The following BTNL8 variants were observed in gnomAD, a reference collection of about 807,000 sequenced individuals.
The protein encoded by BTNL8 is butyrophilin like 8, also known as butyrophilin-like protein 8.
Under a neutral mutation model 36.1 loss-of-function variants are expected in BTNL8, and 22 were observed. The ratio of observed to expected loss-of-function variants is 0.61; its 90% CI spans 0.44 to 0.87. The LOEUF is 0.87. Among genes scored for constraint, BTNL8 ranks in the 40% least tolerant of loss-of-function variants. The pLI, the probability that BTNL8 is intolerant of heterozygous loss-of-function variation, is 0.00. For missense variants in BTNL8, 526 were observed against 616.9 expected (o/e 0.85, Z 1.56); for synonymous variants, 203 against 235.6 (o/e 0.86, Z 1.27).
chr5:180,909,670 A>G, intron 2 of BTNL8: 13 of 801,626 alleles, frequency 1.6e-5, no homozygotes, highest in Non-Finnish European at 2.0e-5. Flanking sequence ...GCTTGAGTCC[A>G]GGAGCTCGAG....
intron 4 of BTNL8, 93 bp downstream of exon 4, chr5:180,947,718 C>T (rs766290501): frequency 1.5e-5 from 24 of 1,614,224 alleles, no homozygotes; most frequent in Non-Finnish European, 1.4e-5. Context: ...TGCTTCTCTT[C>T]TTCTAGTCCT....
At chr5:180,907,699 T>C (rs1757150987) in intron 1 of BTNL8, among the ~76,000 whole-genome samples, 1 of 152,118 alleles carries the variant, frequency 6.6e-6, no homozygotes, top group Non-Finnish European at 1.5e-5. Flanking sequence ...AGATGGGTTT[T>C]TGGTGTGGAT....
intron 3 of BTNL8, among the ~76,000 whole-genome samples, chr5:180,942,014 T>G (rs1392817205): frequency 6.6e-6 from 1 of 151,886 alleles, no homozygotes; most frequent in Non-Finnish European, 1.5e-5. Flanking sequence ...TGTCCCTGTT[T>G]GCAGACAACA....
rs1757386977 is a variant in BTNL8, at chr5:180,911,393, A to G, written c.452A>G (p.Gln151Arg). Residue 151 changes from glutamine (Q) to arginine (R), a missense_variant, in exon 3 of 8, where the codon CAG (glutamine) becomes CGG (arginine). By Grantham distance (43) the Gln-to-Arg change is conservative (BLOSUM62 1). Transcript: ENST00000340184. Reference protein sequence around the residue: ...SITGYVDRDIQLLCQSSGWFP... With the variant: ...SITGYVDRDIRLLCQSSGWFP... ...ACGGGATATGTTGATAGAGACATCC[A>G]GCTACTCTGTCAGTCCTCGGGCTGG... is the stretch of plus-strand genomic sequence containing the variant. 4.3e-6 allele frequency: 7 copies of G among 1,614,070 alleles called. No individual in the cohort carries two copies. The highest frequency in any genetic ancestry group is 5.1e-6 in the Non-Finnish European group (6 of 1,180,040).
chr5:180,942,001 A>G (rs977797794), intron 3 of BTNL8, among the ~76,000 whole-genome samples: 2 of 151,822 alleles, frequency 1.3e-5, no homozygotes, highest in Admixed American at 6.6e-5. Context: ...GAGAAAGTCT[A>G]ATTGTCCCTG....
chr5:180,941,361 A>G (rs887174640), intron 3 of BTNL8, among the ~76,000 whole-genome samples: 2 of 152,228 alleles, frequency 1.3e-5, no homozygotes, highest in African/African-American at 2.4e-5. Flanking sequence ...GCTGGATTCT[A>G]TTAAACTTTT....
intron 2 of BTNL8, among the ~76,000 whole-genome samples, chr5:180,910,091 CCTGGTCTTTA>C: frequency 1.3e-5 from 2 of 152,108 alleles, no homozygotes. Flanking sequence ...GCTAAGCTGT[CCTGGTCTTTA>C]CATATTTGCA....
At chr5:180,939,239 T>C (rs1333884763) in intron 3 of BTNL8, among the ~76,000 whole-genome samples, 2 of 152,076 alleles carry the variant, frequency 1.3e-5, no homozygotes, top group African/African-American at 2.4e-5. Flanking sequence ...CTAATTAAAA[T>C]ATATAGATTG....
chr5:180,929,027 C>T (rs1485971911), intron 3 of BTNL8, among the ~76,000 whole-genome samples: 2 of 152,200 alleles, frequency 1.3e-5, no homozygotes, highest in African/African-American at 4.8e-5. Context: ...CTCAGGACCA[C>T]ATCACACTTA....
rs187232426 is a variant in BTNL8 at position 180,929,617 on chromosome 5, A to G, written c.674-17895A>G. 1.5e-3 allele frequency among the ~76,000 whole-genome samples: 235 copies of G among 152,336 alleles called. 1 individual carries two copies. Among genetic ancestry groups the G allele is most frequent in the African/African-American group, 5.6e-3 (231 of 41,584 alleles). On this transcript the variant is annotated intron_variant, in intron 3 of 7. Coordinates refer to ENST00000340184, the MANE Select transcript of BTNL8 (RefSeq NM_001040462.3). ...GAGGAATCAAATAGACACAATAAAA[A>G]ATGATAAAGGGGATATCACCACTGA...
At chr5:180,947,959 G>T (rs1205161416) in intron 4 of BTNL8, 2 of 753,482 alleles carry the variant, frequency 2.7e-6, no homozygotes, top group Non-Finnish European at 4.2e-6. Flanking sequence ...CATAAAGGAG[G>T]AAGCAAAAGT....
Position 180,908,917 on chromosome 5 carries a change from G to A in BTNL8, c.381G>A (p.Trp127Ter). Reference protein sequence around the residue: ...SSQSYYQKAIWELQVSALGSV... With the variant: ...SSQSYYQKAI ...AGTCTTACTACCAGAAGGCCATCTG[G>A]GAGCTACAGGTGTCAGGTCAGTTTC... Residue 127 changes from tryptophan (W) to a stop codon, truncating the protein, a stop_gained, in exon 2 of 8, where the codon TGG becomes TGA. Transcript: ENST00000340184. LOFTEE classifies it high-confidence loss of function. 6.2e-7 allele frequency: 1 copy of A among 1,612,910 alleles called. No individual in the cohort carries two copies. The highest frequency in any genetic ancestry group is 8.5e-7 in the Non-Finnish European group (1 of 1,179,044).
chr5:180,927,409 A>G (rs1758156316), intron 3 of BTNL8, among the ~76,000 whole-genome samples: 4 of 152,226 alleles, frequency 2.6e-5, no homozygotes. Flanking sequence ...TCCTAAAACC[A>G]GAATGCCTCT....
chr5:180,942,578 A>G (rs1759038553), intron 3 of BTNL8, among the ~76,000 whole-genome samples: 1 of 152,206 alleles, frequency 6.6e-6, no homozygotes, highest in African/African-American at 2.4e-5. Flanking sequence ...GCGTGGTACT[A>G]GCATAAAAGC....
intron 4 of BTNL8, chr5:180,948,011 T>C: frequency 1.5e-6 from 1 of 672,940 alleles, no homozygotes; most frequent in East Asian, 2.8e-5. Context: ...TCAATAAGAC[T>C]TTTCACCCCC....
At chr5:180,900,459 C>T (rs1756778056) in intron 1 of BTNL8, among the ~76,000 whole-genome samples, 1 of 152,070 alleles carries the variant, frequency 6.6e-6, no homozygotes, top group African/African-American at 2.4e-5. Context: ...CAGTCTTGTT[C>T]CTTTCTTATT....
chr5:180,909,441 A>T, intron 2 of BTNL8: 1 of 555,328 alleles, frequency 1.8e-6, no homozygotes, highest in Non-Finnish European at 2.3e-6. Context: ...ATTCCTGCTC[A>T]CTTGTCCTAC....
rs149210868 is a variant in BTNL8 at position 180,922,352 on chromosome 5, C to T, written c.673+10738C>T. On this transcript the variant is annotated intron_variant, in intron 3 of 7. Coordinates refer to ENST00000340184, the MANE Select transcript of BTNL8 (RefSeq NM_001040462.3). ...TTAGTGCTATAAAGTTCCCTCTTAA[C>T]AGTGCCTTGGTTGTGTCCCAGAGGT... Among the ~76,000 whole-genome samples the T allele has an allele frequency of 7.9e-3, 1,207 of 152,076 alleles. 17 individuals are homozygous for T. Among genetic ancestry groups the T allele is most frequent in the African/African-American group, 0.027 (1,115 of 41,472 alleles).
chr5:180,905,079 T>C (rs1033928722), intron 1 of BTNL8, among the ~76,000 whole-genome samples: 2 of 151,482 alleles, frequency 1.3e-5, no homozygotes, highest in African/African-American at 4.9e-5. Context: ...TTCTATTGAA[T>C]GGAATGGTTT....
Sources: allele counts gnomAD v4.1 joint callset (sites outside exome capture counted in the v4.1 genomes callset), GRCh38; gene constraint gnomAD v4.1.1; transcripts MANE v1.5; gene names NCBI Gene and HGNC (gene_info 2026-07-23, HGNC 2026-07-21).